Variants in JPH3 observed in about 807,000 individuals in gnomAD.
JPH3 encodes the protein junctophilin 3.
JPH3 carries 11 observed loss-of-function variants against 59.6 expected under a neutral mutation model. The ratio of observed to expected loss-of-function variants is 0.18; its 90% CI spans 0.12 to 0.31. The LOEUF is 0.31. JPH3 is among the 10% of genes least tolerant of loss of function. The probability of loss-of-function intolerance (pLI) is 1.00; values close to 1 mark genes in which losing one functional copy is unlikely to be tolerated. For missense variants in JPH3, 1,202 were observed against 1,105.7 expected (o/e 1.09, Z -1.24); for synonymous variants, 673 against 483.6 (o/e 1.39, Z -5.14).
At chr16:87,639,566 C>T (rs184954133) in intron 1 of JPH3, among the ~76,000 whole-genome samples, 217 of 152,192 alleles carry the variant, frequency 1.4e-3, no homozygotes, top group African/African-American at 4.8e-3. Flanking sequence ...CTTCCCAAAC[C>T]GAAACTCTGT....
In JPH3 at chr16:87,626,753, C is replaced by T. The variant is rs1306425479; in HGVS notation, c.383-17505C>T. ...ATGTTCCAAGGGGAAGTGGCGGGAG[C>T]GGGTGCTGGCTGGGACCAAGGGATT... On this transcript the variant is annotated intron_variant, in intron 1 of 4. Coordinates refer to ENST00000284262, the MANE Select transcript of JPH3 (RefSeq NM_020655.4). Among the ~76,000 whole-genome samples the T allele has an allele frequency of 4.6e-5, 7 of 152,290 alleles. 1 individual carries two copies. The South Asian group carries it at 1.2e-3, about 27-fold the overall frequency.
chr16:87,655,888 C>T (rs961431926), intron 2 of JPH3, among the ~76,000 whole-genome samples: 20 of 152,182 alleles, frequency 1.3e-4, no homozygotes, highest in Non-Finnish European at 2.1e-4. Context: ...TGAGTCCGCT[C>T]AGGGGTCTCA....
rs532139814 is a variant in JPH3, at chr16:87,603,066, C to G, written c.-81C>G. On this transcript the variant is annotated 5_prime_UTR_variant, in exon 1 of 5. Transcript: ENST00000284262. ...TCCGGAAAACGCTCGCGACCCAGGG[C>G]CGCCGGCGGCCGCGACTCTGCTGTG... is the stretch of plus-strand genomic sequence containing the variant. 20 of 1,576,790 alleles carry G rather than the reference C, an allele frequency of 1.3e-5. No individual in the cohort carries two copies. The East Asian group carries it at 2.5e-4, about 20-fold the overall frequency.
intron 2 of JPH3, among the ~76,000 whole-genome samples, chr16:87,651,599 A>AG (rs2032326035): frequency 6.6e-6 from 1 of 152,250 alleles, no homozygotes; most frequent in African/African-American, 2.4e-5. Flanking sequence ...CAGTGGAGGA[A>AG]GGACTGCAGA....
At chr16:87,680,908 T>C (rs1028239359) in intron 2 of JPH3, among the ~76,000 whole-genome samples, 2 of 152,162 alleles carry the variant, frequency 1.3e-5, no homozygotes, top group Non-Finnish European at 2.9e-5. Flanking sequence ...GTATTTTTAC[T>C]AAGCAAAGAT....
intron 2 of JPH3, among the ~76,000 whole-genome samples, chr16:87,658,353 C>T (rs951204280): frequency 7.2e-5 from 11 of 151,920 alleles, no homozygotes; most frequent in African/African-American, 2.7e-4. Context: ...TCTCTCTCTC[C>T]TTCTCCCCGC....
chr16:87,695,159 G>C (rs2033767319), intron 4 of JPH3: 2 of 368,340 alleles, frequency 5.4e-6, no homozygotes, highest in Non-Finnish European at 1.1e-5. Context: ...GTTGTGGGTG[G>C]GGGGAAGGGG....
chr16:87,687,861 G>T (rs886104833), intron 3 of JPH3, among the ~76,000 whole-genome samples: 1 of 152,182 alleles, frequency 6.6e-6, no homozygotes, highest in East Asian at 1.9e-4. Flanking sequence ...GATGGGGGGG[G>T]CCTTGATCCC....
At chr16:87,609,425 C>T (rs2030651271) in intron 1 of JPH3, among the ~76,000 whole-genome samples, 1 of 152,146 alleles carries the variant, frequency 6.6e-6, no homozygotes, top group East Asian at 1.9e-4. Context: ...CACCACCACA[C>T]CTGGCTAATG....
intron 1 of JPH3, among the ~76,000 whole-genome samples, chr16:87,635,574 T>C (rs76870647): frequency 0.17 from 25,827 of 152,088 alleles, 2,493 homozygotes; most frequent in Non-Finnish European, 0.22. Flanking sequence ...GCAGGGTCCC[T>C]TGAGCATTAG....
intron 1 of JPH3, among the ~76,000 whole-genome samples, chr16:87,628,827 G>A (rs1436844245): frequency 1.3e-5 from 2 of 152,096 alleles, no homozygotes; most frequent in Non-Finnish European, 2.9e-5. Flanking sequence ...TCGGTCCCCA[G>A]CAGGTGTGGC....
intron 4 of JPH3, chr16:87,695,648 T>C (rs1567621124): frequency 2.2e-6 from 1 of 456,042 alleles, no homozygotes; most frequent in Non-Finnish European, 4.4e-6. Context: ...GTCCATTCCC[T>C]GTGCAGCAGG....
intron 1 of JPH3, among the ~76,000 whole-genome samples, chr16:87,627,074 C>T (rs975367374): frequency 6.6e-6 from 1 of 152,272 alleles, no homozygotes; most frequent in African/African-American, 2.4e-5. Flanking sequence ...AAGCCCGGGC[C>T]TGCCCCAGCC....
In JPH3 at chr16:87,611,123, A is replaced by G. The variant is rs2030716604; in HGVS notation, c.382+7595A>G. 6.6e-6 allele frequency among the ~76,000 whole-genome samples: 1 copy of G among 152,242 alleles called. No individual in the cohort carries two copies. The highest frequency in any genetic ancestry group is 2.4e-5 in the African/African-American group (1 of 41,462). Reference sequence around the variant, plus strand: ...CGTGGAAGATTGGAAAAAAAGAAACAAACACATAAAAATGAAAATGCAAGA... The same window carrying G: ...CGTGGAAGATTGGAAAAAAAGAAACGAACACATAAAAATGAAAATGCAAGA... On this transcript the variant is annotated intron_variant, in intron 1 of 4. Transcript: ENST00000284262. The surrounding 1 kb of genome is among the most constrained non-coding windows in gnomAD (Gnocchi z 4.5).
At chr16:87,661,438 G>T (rs966844057) in intron 2 of JPH3, among the ~76,000 whole-genome samples, 6 of 152,252 alleles carry the variant, frequency 3.9e-5, no homozygotes, top group Non-Finnish European at 7.3e-5. Context: ...CTTTGCATCT[G>T]CAGATAGCAG....
intron 2 of JPH3, 33 bp from the exon 3 acceptor site, chr16:87,684,109 G>C: frequency 6.4e-7 from 1 of 1,570,656 alleles, no homozygotes; most frequent in Non-Finnish European, 8.8e-7. Flanking sequence ...TGTGCCCCCT[G>C]CCCCCCCTCA....
chr16:87,679,630 C>T (rs982182193), intron 2 of JPH3, among the ~76,000 whole-genome samples: 4 of 152,250 alleles, frequency 2.6e-5, no homozygotes, highest in African/African-American at 9.6e-5. Flanking sequence ...GGTTGGGAAG[C>T]TGGTGTTCGC....
At position 87,677,125 on chromosome 16, in the gene JPH3, A is replaced by C. The variant is rs138382881; in HGVS notation, c.1161-7017A>C. ...AGTGAGCTGAGATCGTGCCACTGCAATCCAGCCTAGGCGACAGAGTGGGAC... is the reference window on the plus strand; with the variant it reads ...AGTGAGCTGAGATCGTGCCACTGCACTCCAGCCTAGGCGACAGAGTGGGAC... On this transcript the variant is annotated intron_variant, in intron 2 of 4. Transcript: ENST00000284262. Among the ~76,000 whole-genome samples, 62 of 147,652 alleles carry C rather than the reference A, an allele frequency of 4.2e-4. 1 individual carries two copies. The highest frequency in any genetic ancestry group is 3.5e-3 in the Middle Eastern group (1 of 288).
intron 1 of JPH3, among the ~76,000 whole-genome samples, chr16:87,640,391 T>C (rs2031907604): frequency 6.6e-6 from 1 of 151,862 alleles, no homozygotes; most frequent in African/African-American, 2.4e-5. Context: ...TTTTTATTTT[T>C]ATTTATGTAT....
Sources: allele counts gnomAD v4.1 joint callset (sites outside exome capture counted in the v4.1 genomes callset), GRCh38; gene constraint gnomAD v4.1.1; non-coding constraint Gnocchi (gnomAD v3.1); transcripts MANE v1.5; gene names NCBI Gene and HGNC (gene_info 2026-07-23, HGNC 2026-07-21).